CLIP3: variants seen among roughly 807,000 people sequenced by gnomAD.
CLIP3 encodes the protein CAP-Gly domain-containing linker protein 3.
Under a neutral mutation model 59.4 loss-of-function variants are expected in CLIP3, and 15 were observed. The ratio of observed to expected loss-of-function variants is 0.25; its 90% CI spans 0.17 to 0.39. The LOEUF is 0.39. Ranked by LOEUF, CLIP3 falls within the 10% of genes least tolerant of loss-of-function variation. The probability of loss-of-function intolerance (pLI) is 1.00; values close to 1 mark genes in which losing one functional copy is unlikely to be tolerated. For missense variants in CLIP3, 495 were observed against 765.7 expected (o/e 0.65, Z 4.17); for synonymous variants, 300 against 321.6 (o/e 0.93, Z 0.72).
chr19:36,017,406 T>A lies in CLIP3; in HGVS notation c.1496A>T (p.Lys499Ile). The A allele has an allele frequency of 6.2e-7, 1 of 1,614,164 alleles. No individual in the cohort carries two copies. The highest frequency in any genetic ancestry group is 8.5e-7 in the Non-Finnish European group (1 of 1,180,038). The change falls in exon 12 of 14, where the codon AAA becomes ATA. Residue 499 changes from lysine to isoleucine, a missense_variant. By Grantham distance (102) the Lys-to-Ile change is moderately radical (BLOSUM62 -3). Coordinates refer to ENST00000360535, the MANE Select transcript of CLIP3 (RefSeq NM_015526.3). Reference sequence around the variant, plus strand: ...CTCACTTGTCACTTGATGCACTTTTTTGGCTCCAACGCTGTCCCCGGGGGA... The same window carrying A: ...CTCACTTGTCACTTGATGCACTTTTATGGCTCCAACGCTGTCCCCGGGGGA... ...TDSPGDSVGA[K>I]KVHQVTMTQP...
intron 2 of CLIP3, among the ~76,000 whole-genome samples, chr19:36,029,632 A>T (rs1329553230): frequency 6.6e-6 from 1 of 151,768 alleles, no homozygotes; most frequent in Non-Finnish European, 1.5e-5. Flanking sequence ...ACTACTTGAC[A>T]TGTTTACTCC....
In CLIP3 at chr19:36,028,997, T is replaced by G. The variant is rs940870100; in HGVS notation, c.167-1726A>C. Among the ~76,000 whole-genome samples, 197 of 43,248 alleles carry G rather than the reference T, an allele frequency of 4.6e-3. 3 individuals are homozygous for G. The South Asian group carries it at 0.057, about 13-fold the overall frequency. 28.4% of individuals were successfully genotyped at this position (43,248 alleles called of 152,430 possible). On this transcript the variant is annotated intron_variant, in intron 2 of 13. Transcript: ENST00000360535. Reference sequence around the variant, plus strand: ...ACCCGCCCTTCTCCATCTCCTACTCTTTTTTTTTTTTTTTTTTTTTTTTTT... The same window carrying G: ...ACCCGCCCTTCTCCATCTCCTACTCGTTTTTTTTTTTTTTTTTTTTTTTTT...
chr19:36,021,578 C>A (rs1968952980), intron 7 of CLIP3, among the ~76,000 whole-genome samples: 1 of 152,174 alleles, frequency 6.6e-6, no homozygotes, highest in African/African-American at 2.4e-5. Context: ...TGTGTGCCAC[C>A]ATGCCTGGTT....
chr19:36,017,823 C>T (rs757338516), intron 10 of CLIP3, 25 bp downstream of exon 10: 1 of 1,614,182 alleles, frequency 6.2e-7, no homozygotes, highest in Non-Finnish European at 8.5e-7. Flanking sequence ...CTGCCTGCCT[C>T]CCGGCCCAGA....
At chr19:36,025,107 C>T (rs1225471912) in intron 6 of CLIP3, among the ~76,000 whole-genome samples, 1 of 150,560 alleles carries the variant, frequency 6.6e-6, no homozygotes, top group East Asian at 2.0e-4. Context: ...AAGGTGCAGA[C>T]CACATCCCCA....
In CLIP3 at chr19:36,024,703, T is replaced by C. The variant is rs1599700092; in HGVS notation, c.682-71A>G. ...CACACCCCCATGGAGGCCCTGCCCC[T>C]AGAGACCACCAGTCTGGGTGATGCA... On this transcript the variant is annotated intron_variant, in intron 6 of 13. Coordinates refer to ENST00000360535, the MANE Select transcript of CLIP3 (RefSeq NM_015526.3). The C allele has an allele frequency of 9.9e-6, 14 of 1,420,824 alleles. No individual in the cohort carries two copies. The East Asian group carries it at 3.2e-4, about 33-fold the overall frequency. 88.0% of individuals were successfully genotyped at this position (1,420,824 alleles called of 1,614,324 possible). A position where few individuals can be genotyped will look rare whatever the true frequency, so the allele number is the denominator to read the frequency against.
chr19:36,026,573 C>T lies in CLIP3; in HGVS notation c.562+13G>A. On this transcript the variant is annotated intron_variant, in intron 5 of 13. Transcript: ENST00000360535. This position sits in a 1 kb window ranked among gnomAD's most constrained non-coding sequence, Gnocchi z 6.3. ...GGTCCTTGCCCCCTCCCAGCCAGGG[C>T]TCTCCTCCTCACCTCGCGGCCTCGC... 1 of 1,612,898 alleles carries T rather than the reference C, an allele frequency of 6.2e-7. No homozygotes were observed. Among genetic ancestry groups the T allele is most frequent in the Non-Finnish European group, 8.5e-7 (1 of 1,179,568 alleles).
chr19:36,028,634 C>T (rs1327791784), intron 2 of CLIP3, among the ~76,000 whole-genome samples: 1 of 152,218 alleles, frequency 6.6e-6, no homozygotes, highest in Non-Finnish European at 1.5e-5. Flanking sequence ...TTTAGAACTG[C>T]AGTCACATCA....
At chr19:36,021,991 G>A (rs957713215) in intron 7 of CLIP3, among the ~76,000 whole-genome samples, 4 of 151,830 alleles carry the variant, frequency 2.6e-5, no homozygotes, top group Non-Finnish European at 4.4e-5. Context: ...CCATTCTCCT[G>A]CCTCAGCCTC....
At chr19:36,024,165 C>G (rs1305332139) in intron 7 of CLIP3, among the ~76,000 whole-genome samples, 1 of 152,246 alleles carries the variant, frequency 6.6e-6, no homozygotes, top group African/African-American at 2.4e-5. Flanking sequence ...TCGGCCGTCA[C>G]TGTCAGATGA....
intron 6 of CLIP3, among the ~76,000 whole-genome samples, 170 bp downstream of exon 6, chr19:36,025,977 C>G (rs1599701613): frequency 6.6e-6 from 1 of 152,232 alleles, no homozygotes; most frequent in East Asian, 1.9e-4. Flanking sequence ...ATAGACTTCA[C>G]CTGACATGTA....
At chr19:36,021,310 G>T (rs1024717883) in intron 7 of CLIP3, among the ~76,000 whole-genome samples, 1 of 151,950 alleles carries the variant, frequency 6.6e-6, no homozygotes, top group African/African-American at 2.4e-5. Context: ...TTTAGACAGG[G>T]TCTCACTTTG....
At position 36,017,469 on chromosome 19, in the gene CLIP3, G is replaced by C. The variant is rs754373539; in HGVS notation, c.1452-19C>G. ...GCCAATCCTGAGGAGACACGGGGAG[G>C]GGGAGAAGTCAGAGCCACAAAAGGC... On this transcript the variant is annotated intron_variant, in intron 11 of 13. Transcript: ENST00000360535. 12 of 1,613,862 alleles carry C rather than the reference G, an allele frequency of 7.4e-6. No individual in the cohort carries two copies. Among genetic ancestry groups the C allele is most frequent in the South Asian group, 2.2e-5 (2 of 91,078 alleles).
chr19:36,028,720 C>T (rs1034193380), intron 2 of CLIP3, among the ~76,000 whole-genome samples: 3 of 152,176 alleles, frequency 2.0e-5, no homozygotes, highest in African/African-American at 7.2e-5. Flanking sequence ...CCCCACGGCC[C>T]TCAGGGCTCT....
rs1375325482 is a variant in CLIP3 at position 36,015,017 on chromosome 19, G to A, written c.*1141C>T. ...GGACTCGGGGCATTGAAATTCTCCA[G>A]TTTCCAGGGATGGGAATTCCTGTGT... On this transcript the variant is annotated 3_prime_UTR_variant, in exon 14 of 14. Coordinates refer to ENST00000360535, the MANE Select transcript of CLIP3 (RefSeq NM_015526.3). The A allele has an allele frequency of 2.6e-5, 4 of 152,252 alleles. No homozygotes were observed. The highest frequency in any genetic ancestry group is 6.5e-5 in the Admixed American group (1 of 15,276). 9.4% of individuals were successfully genotyped at this position (152,252 alleles called of 1,614,324 possible). A position where few individuals can be genotyped will look rare whatever the true frequency, so the allele number is the denominator to read the frequency against.
chr19:36,018,877 C>T (rs780897278), intron 9 of CLIP3, 21 bp downstream of exon 9: 13 of 1,609,032 alleles, frequency 8.1e-6, no homozygotes, highest in Non-Finnish European at 1.1e-5. Context: ...CTCTTCCCAC[C>T]ACAGGGATCC....
chr19:36,018,946 G>A lies in CLIP3; in HGVS notation c.1135C>T (p.Arg379Trp), dbSNP rs755724310. ...SSVTSTPRTPRMDFSRVTGKG... is the reference protein window; with the variant it reads ...SSVTSTPRTPWMDFSRVTGKG... ...CCGGTGACACGGGAGAAGTCCATCC[G>A]GGGGGTCCGGGGTGTGGAGGTGACA... The change falls in exon 9 of 14, where the codon CGG (arginine) becomes TGG (tryptophan). Residue 379 changes from arginine (R) to tryptophan (W), a missense_variant. This residue lies in a region of CLIP3 where 179 missense variants were observed against 226.2 expected (regional missense o/e 0.79). Coordinates refer to ENST00000360535, the MANE Select transcript of CLIP3 (RefSeq NM_015526.3). The A allele has an allele frequency of 3.7e-6, 6 of 1,611,212 alleles. No homozygotes were observed. Among genetic ancestry groups the A allele is most frequent in the Admixed American group, 1.7e-5 (1 of 59,506 alleles).
At position 36,018,913 on chromosome 19, in the gene CLIP3, G is replaced by A. The variant is rs778446379; in HGVS notation, c.1168C>T (p.Arg390Cys). 61 of 1,613,412 alleles carry A rather than the reference G, an allele frequency of 3.8e-5. No individual in the cohort carries two copies. Among genetic ancestry groups the A allele is most frequent in the African/African-American group, 5.3e-5 (4 of 74,904 alleles). Reference protein sequence around the residue: ...MDFSRVTGKGRREHKGKKKTP... With the variant: ...MDFSRVTGKGCREHKGKKKTP... ...CCTCTCTGACCTTTGTGTTCCCTGC[G>A]GCCTTTGCCGGTGACACGGGAGAAG... Residue 390 changes from arginine (R) to cysteine (C), a missense_variant, in exon 9 of 14, where the codon CGC (arginine) becomes TGC (cysteine). By Grantham distance (180) the Arg-to-Cys change is radical. This residue lies in a region of CLIP3 where 179 missense variants were observed against 226.2 expected (regional missense o/e 0.79). Transcript: ENST00000360535.
rs542574479 is a variant in CLIP3, at chr19:36,024,527, C to G, written c.787G>C (p.Glu263Gln). ...GCGCAAGATAGTGGCACTGCCTCTT[C>G]CAGAAGCGTCCGCAGCTCCTTGGCC... ...LVAKELRTLL[E>Q]EAVPLSCALP... Residue 263 changes from glutamate (E) to glutamine (Q), a missense_variant, in exon 7 of 14, where the codon GAA becomes CAA. Physicochemically the swap from Glu to Gln is conservative, Grantham distance 29. Coordinates refer to ENST00000360535, the MANE Select transcript of CLIP3 (RefSeq NM_015526.3). The G allele has an allele frequency of 1.2e-6, 2 of 1,614,260 alleles. No homozygotes were observed. The highest frequency in any genetic ancestry group is 1.1e-5 in the South Asian group (1 of 91,092).
Sources: gnomAD v4.1 joint callset for allele counts (sites outside exome capture counted in the v4.1 genomes callset) on GRCh38, gnomAD v4.1.1 for gene constraint, gnomAD v4.1.1 regional missense constraint, Gnocchi (gnomAD v3.1) non-coding constraint, MANE v1.5 for transcripts, NCBI Gene and HGNC (gene_info 2026-07-23, HGNC 2026-07-21) for gene names.